PLCB4: variants seen among roughly 807,000 people sequenced by gnomAD.
The protein encoded by PLCB4 is 1-phosphatidylinositol 4,5-bisphosphate phosphodiesterase beta-4.
In PLCB4, 77 loss-of-function variants were observed where a neutral mutation model predicts 178.8. The observed-to-expected ratio is 0.43, with a 90% CI of 0.36 to 0.52. The LOEUF (loss-of-function observed/expected upper bound fraction) is 0.52, where lower values mean the gene tolerates loss of function less well. PLCB4 is among the 20% of genes least tolerant of loss of function. The pLI, the probability that PLCB4 is intolerant of heterozygous loss-of-function variation, is 0.00. For synonymous variants in PLCB4, 496 were observed against 490.8 expected (o/e 1.01, Z -0.14); for missense variants, 1,024 against 1,453.4 (o/e 0.70, Z 4.80).
chr20:9,200,605 T>A (rs1169420374), intron 2 of PLCB4, among the ~76,000 whole-genome samples: 2 of 152,210 alleles, frequency 1.3e-5, no homozygotes, highest in African/African-American at 4.8e-5. Flanking sequence ...CCCTTTTACC[T>A]TTCTGATTTC....
At chr20:9,454,174 G>C (rs1428579500) in intron 33 of PLCB4, among the ~76,000 whole-genome samples, 1 of 152,220 alleles carries the variant, frequency 6.6e-6, no homozygotes, top group Non-Finnish European at 1.5e-5. Flanking sequence ...CATGATGAGA[G>C]TGAGGTTATG....
intron 2 of PLCB4, among the ~76,000 whole-genome samples, chr20:9,130,113 C>G (rs1018113885): frequency 1.3e-5 from 2 of 152,104 alleles, no homozygotes; most frequent in Non-Finnish European, 2.9e-5. Context: ...GATGAAAATG[C>G]AATGCAGCCG....
intron 19 of PLCB4, among the ~76,000 whole-genome samples, chr20:9,396,066 T>C (rs745854289): frequency 5.5e-4 from 84 of 152,230 alleles, no homozygotes; most frequent in Non-Finnish European, 1.1e-3. Context: ...AATATTTTGG[T>C]ATTCTTGGTA....
At chr20:9,389,163 C>G (rs1247153950) in intron 15 of PLCB4, among the ~76,000 whole-genome samples, 1 of 152,172 alleles carries the variant, frequency 6.6e-6, no homozygotes, top group South Asian at 2.1e-4. Context: ...AAAGCCTCTC[C>G]TATTTCATGG....
chr20:9,181,793 A>G (rs1485963886), intron 2 of PLCB4, among the ~76,000 whole-genome samples: 1 of 152,186 alleles, frequency 6.6e-6, no homozygotes, highest in African/African-American at 2.4e-5. Context: ...AGTGGAGGAC[A>G]CAAATGTTCA....
chr20:9,223,595 C>G (rs756554543), intron 3 of PLCB4, among the ~76,000 whole-genome samples: 7 of 152,188 alleles, frequency 4.6e-5, no homozygotes, highest in Non-Finnish European at 8.8e-5. Context: ...TATGTGGTCT[C>G]TCTTCATGGG....
chr20:9,373,171 A>G, intron 12 of PLCB4, 67 bp downstream of exon 12: 1 of 737,894 alleles, frequency 1.4e-6, no homozygotes, highest in Admixed American at 2.2e-5. Flanking sequence ...TGGTGTCCTC[A>G]TTGCATGCCT....
intron 3 of PLCB4, among the ~76,000 whole-genome samples, chr20:9,302,696 G>A (rs1406296293): frequency 6.6e-6 from 1 of 152,086 alleles, no homozygotes; most frequent in Admixed American, 6.6e-5. Context: ...TCTTCATATA[G>A]TGAGACTATT....
chr20:9,472,820 T>C lies in PLCB4; in HGVS notation c.3381T>C (p.Thr1127=). The change falls in exon 37 of 40, where the codon ACT becomes ACC. Residue 1127 remains threonine (T), a synonymous_variant. Transcript: ENST00000378473. The part of the protein sequence containing the change: ...RRVRELNSSN[T]KKFLEERKRL... The stretch of plus-strand genomic sequence containing the variant: ...TCAGGGAGTTAAACAGCAGCAACAC[T>C]AAAAAGTTTCTGGAAGAAAGAAAGA... 2 of 1,600,624 alleles carry C rather than the reference T, an allele frequency of 1.2e-6. No homozygotes were observed. The highest frequency in any genetic ancestry group is 1.7e-6 in the Non-Finnish European group (2 of 1,171,212).
chr20:9,097,091 C>T (rs527349628), intron 2 of PLCB4, among the ~76,000 whole-genome samples: 3 of 152,056 alleles, frequency 2.0e-5, no homozygotes, highest in African/African-American at 7.2e-5. Flanking sequence ...CCCGCCACCA[C>T]ACCCAGCTAA....
intron 3 of PLCB4, among the ~76,000 whole-genome samples, chr20:9,286,964 C>T (rs139371212): frequency 2.3e-3 from 349 of 152,084 alleles, no homozygotes; most frequent in Middle Eastern, 0.01. Context: ...TCAAAGAATA[C>T]CATATTTATG....
chr20:9,150,753 G>A (rs1452463270), intron 2 of PLCB4, among the ~76,000 whole-genome samples: 1 of 152,164 alleles, frequency 6.6e-6, no homozygotes, highest in African/African-American at 2.4e-5. Flanking sequence ...TTCACTGCGA[G>A]CCTAGGCTTT....
At chr20:9,447,938 GT>G (rs1426178325) in intron 32 of PLCB4, among the ~76,000 whole-genome samples, 1 of 152,154 alleles carries the variant, frequency 6.6e-6, no homozygotes, top group East Asian at 1.9e-4. Context: ...TTCAGGACTG[GT>G]TTTTCAACAT....
rs188122962 is a variant in PLCB4 at position 9,177,966 on chromosome 20, C to T, written c.-78-39424C>T. On this transcript the variant is annotated intron_variant, in intron 2 of 39. Transcript: ENST00000378473. Reference sequence around the variant, plus strand: ...TTCCAAGTGCTAAACAGAAAAACACCGTGTTCTGCAACAAAACTGTGCTTA... The same window carrying T: ...TTCCAAGTGCTAAACAGAAAAACACTGTGTTCTGCAACAAAACTGTGCTTA... 2.5e-3 allele frequency among the ~76,000 whole-genome samples: 382 copies of T among 152,270 alleles called. 4 individuals carry two copies. The highest frequency in any genetic ancestry group is 0.01 in the East Asian group (53 of 5,182).
At chr20:9,352,693 CT>C (rs777839256) in intron 7 of PLCB4, among the ~76,000 whole-genome samples, 109 of 152,336 alleles carry the variant, frequency 7.2e-4, no homozygotes, top group Non-Finnish European at 1.3e-3. Context: ...TCAATTATCT[CT>C]TTCAAACATA....
At chr20:9,355,790 A>G (rs1165468178) in intron 7 of PLCB4, among the ~76,000 whole-genome samples, 14 of 152,082 alleles carry the variant, frequency 9.2e-5, no homozygotes. Flanking sequence ...AGCATGATTT[A>G]TAGTCCTTTG....
At chr20:9,362,815 G>T (rs2035460906) in intron 7 of PLCB4, 81 bp from the exon 8 acceptor site, 4 of 804,792 alleles carry the variant, frequency 5.0e-6, no homozygotes, top group Admixed American at 3.9e-5. Context: ...ACACAAAATG[G>T]ATACAATCTA....
At chr20:9,141,635 C>G (rs1320533555) in intron 2 of PLCB4, among the ~76,000 whole-genome samples, 1 of 152,066 alleles carries the variant, frequency 6.6e-6, no homozygotes, top group East Asian at 1.9e-4. Flanking sequence ...CCATATGTAT[C>G]TCCGTGGAGG....
chr20:9,254,210 A>T (rs1445607891), intron 3 of PLCB4, among the ~76,000 whole-genome samples: 2 of 152,240 alleles, frequency 1.3e-5, no homozygotes, highest in Non-Finnish European at 2.9e-5. Flanking sequence ...ACCGGATTAT[A>T]TTAAAAAATA....
Sources: allele counts gnomAD v4.1 joint callset (sites outside exome capture counted in the v4.1 genomes callset), GRCh38; gene constraint gnomAD v4.1.1; transcripts MANE v1.5; gene names NCBI Gene and HGNC (gene_info 2026-07-23, HGNC 2026-07-21).